EGFR: variants seen among roughly 807,000 people sequenced by gnomAD.
The protein encoded by EGFR is epidermal growth factor receptor, also known as avian erythroblastic leukemia viral (v-erb-b) oncogene homolog.
A neutral mutation model predicts 143.0 loss-of-function variants in EGFR; 58 were observed. The observed-to-expected ratio is 0.41, with a 90% CI of 0.33 to 0.50. The LOEUF is 0.50. Ranked by LOEUF, EGFR falls within the 20% of genes least tolerant of loss-of-function variation. The pLI is 0.39. For missense variants in EGFR, 1,307 were observed against 1,579.0 expected, an observed-to-expected ratio of 0.83 and a Z score of 2.92; for synonymous variants, 613 against 594.4, an observed-to-expected ratio of 1.03 and a Z score of -0.45.
At chr7:55,127,724 A>C (rs1053681408) in intron 1 of EGFR, among the ~76,000 whole-genome samples, 2 of 152,198 alleles carry the variant, frequency 1.3e-5, no homozygotes, top group East Asian at 3.8e-4. Context: ...CTTCAGGATG[A>C]ATTCAGTTGA....
At chr7:55,134,910 G>A (rs1469379606) in intron 1 of EGFR, among the ~76,000 whole-genome samples, 1 of 152,108 alleles carries the variant, frequency 6.6e-6, no homozygotes, top group Non-Finnish European at 1.5e-5. Flanking sequence ...TCGCCGAGCT[G>A]GCCCCATGTC....
At chr7:55,165,661 G>A (rs1011769660) in intron 15 of EGFR, among the ~76,000 whole-genome samples, 2 of 152,200 alleles carry the variant, frequency 1.3e-5, no homozygotes, top group African/African-American at 2.4e-5. Flanking sequence ...CCGGGCCTGT[G>A]TTGTGCAATG....
chr7:55,164,492 C>T (rs1180849004), intron 14 of EGFR, among the ~76,000 whole-genome samples: 3 of 152,172 alleles, frequency 2.0e-5, no homozygotes, highest in Non-Finnish European at 2.9e-5. Flanking sequence ...AGGCTGCCAG[C>T]GTGGCTGCTT....
chr7:55,160,108 C>T (rs778374928), intron 11 of EGFR, 31 bp from the exon 12 acceptor site: 3 of 1,611,578 alleles, frequency 1.9e-6, no homozygotes, highest in Admixed American at 1.7e-5. Context: ...TATAATTTTT[C>T]ACCACATGAT....
At position 55,159,135 on chromosome 7, in the gene EGFR, C is replaced by T. The variant is rs542596967; in HGVS notation, c.1299-1004C>T. Among the ~76,000 whole-genome samples the T allele has an allele frequency of 2.6e-4, 39 of 152,298 alleles. No individual in the cohort carries two copies. The South Asian group carries it at 7.7e-3, about 30-fold the overall frequency. Reference sequence around the variant, plus strand: ...CTGGCCTTGTGCTCCCTCCCCAAACCAGCCCAGCCCTCCCAGCCTGCATCA... The same window carrying T: ...CTGGCCTTGTGCTCCCTCCCCAAACTAGCCCAGCCCTCCCAGCCTGCATCA... On this transcript the variant is annotated intron_variant, in intron 11 of 27. Coordinates refer to ENST00000275493, the MANE Select transcript of EGFR (RefSeq NM_005228.5).
At chr7:55,165,473 C>G (rs186420789) in intron 15 of EGFR, 36 bp downstream of exon 15, 3 of 1,576,400 alleles carry the variant, frequency 1.9e-6, no homozygotes, top group East Asian at 2.3e-5. Context: ...AACATTTCCT[C>G]TCTTGCAAAT....
intron 1 of EGFR, among the ~76,000 whole-genome samples, chr7:55,045,847 C>T (rs767265861): frequency 2.0e-5 from 3 of 152,108 alleles, no homozygotes; most frequent in Admixed American, 6.5e-5. Context: ...GTTGGCTGTT[C>T]GGTGTTTCAC....
rs5884404 is a variant in EGFR, at chr7:55,205,898, GAA to G, written c.*293_*294del. On this transcript the variant is annotated 3_prime_UTR_variant, in exon 28 of 28. Transcript: ENST00000275493. ...ATTTATCTTTCAAAGAGGTATATTT[GAA>G]AAAAAAAAAAAGTATATGTGAGGAT... 157 of 377,724 alleles carry G rather than the reference GAA, an allele frequency of 4.2e-4. No homozygotes were observed. The highest frequency in any genetic ancestry group is 7.4e-4 in the Middle Eastern group (1 of 1,346). The allele number at this position is 377,724 out of a possible 1,614,324, so 23.4% of individuals were successfully genotyped here. A position where few individuals can be genotyped will look rare whatever the true frequency, so the allele number is the denominator to read the frequency against.
At chr7:55,152,302 T>G in intron 5 of EGFR, 1 of 695,648 alleles carries the variant, frequency 1.4e-6, no homozygotes. Flanking sequence ...ATGCATCTAA[T>G]TATTTAGCAG....
At chr7:55,089,068 A>G (rs1044813396) in intron 1 of EGFR, among the ~76,000 whole-genome samples, 1 of 152,042 alleles carries the variant, frequency 6.6e-6, no homozygotes, top group Non-Finnish European at 1.5e-5. Context: ...AAATATATGT[A>G]CAAATAAAGG....
In EGFR at chr7:55,156,773, A is replaced by C; in HGVS notation, c.1148A>C (p.His383Pro). ...GTTTGTTTCAGTGACTCCTTCACACATACTCCTCCTCTGGATCCACAGGAA... is the reference window on the plus strand; with the variant it reads ...GTTTGTTTCAGTGACTCCTTCACACCTACTCCTCCTCTGGATCCACAGGAA... ...PVAFRGDSFT[H>P]TPPLDPQELD... is the part of the protein sequence containing the mutation. The change falls in exon 10 of 28, where the codon CAT (histidine) becomes CCT (proline). Residue 383 changes from histidine to proline, a missense_variant. Around this residue, in one of 7 missense-constraint regions of EGFR, gnomAD observed 250 missense variants for 295.1 expected, o/e 0.85. Transcript: ENST00000275493. 6.2e-7 allele frequency: 1 copy of C among 1,614,246 alleles called. No individual in the cohort carries two copies. Among genetic ancestry groups the C allele is most frequent in the Non-Finnish European group, 8.5e-7 (1 of 1,180,050 alleles).
intron 1 of EGFR, among the ~76,000 whole-genome samples, chr7:55,083,744 T>C (rs1437838420): frequency 6.6e-6 from 1 of 152,262 alleles, no homozygotes; most frequent in Non-Finnish European, 1.5e-5. Context: ...TGTGAACTAA[T>C]ATAATGCAGA....
intron 6 of EGFR, 65 bp downstream of exon 6, chr7:55,152,729 G>C: frequency 7.2e-7 from 1 of 1,379,706 alleles, no homozygotes; most frequent in Non-Finnish European, 1.0e-6. Context: ...ACCCACACCA[G>C]GACAGAAGAC....
Position 55,161,761 on chromosome 7 carries a change from T to G in EGFR, c.1631+130T>G, listed in dbSNP as rs1050968225. 2.6e-5 allele frequency: 39 copies of G among 1,510,298 alleles called. No homozygotes were observed. In the African/African-American group the frequency reaches 4.4e-4, roughly 17 times the overall value. 93.6% of individuals were successfully genotyped at this position (1,510,298 alleles called of 1,614,324 possible). On this transcript the variant is annotated intron_variant, in intron 13 of 27. Transcript: ENST00000275493. Reference sequence around the variant, plus strand: ...CTTTGCCCTTGGCTTTTGGAGGTTTTGGGTTTTCTGTGGGGAGACGGGAAG... The same window carrying G: ...CTTTGCCCTTGGCTTTTGGAGGTTTGGGGTTTTCTGTGGGGAGACGGGAAG...
At chr7:55,061,480 C>CA (rs1789163383) in intron 1 of EGFR, among the ~76,000 whole-genome samples, 1 of 152,208 alleles carries the variant, frequency 6.6e-6, no homozygotes, top group African/African-American at 2.4e-5. Flanking sequence ...AATATGCTTT[C>CA]ATTCAGCTCT....
intron 1 of EGFR, among the ~76,000 whole-genome samples, chr7:55,027,724 CA>C (rs1421526363): frequency 6.6e-6 from 1 of 151,938 alleles, no homozygotes; most frequent in East Asian, 1.9e-4. Flanking sequence ...AGAAATGAAA[CA>C]AAAGTTTGCA....
chr7:55,056,918 A>G lies in EGFR; in HGVS notation c.88+37553A>G, dbSNP rs181073091. 2.0e-5 allele frequency among the ~76,000 whole-genome samples: 3 copies of G among 152,328 alleles called. No individual in the cohort carries two copies. The East Asian group carries it at 5.8e-4, about 29-fold the overall frequency. On this transcript the variant is annotated intron_variant, in intron 1 of 27. Transcript: ENST00000275493. ...GACGGTGTGTGCAGTGCAGTATGTAACCCAGGGCACATTTCAGGGGCCCAC... is the reference window on the plus strand; with the variant it reads ...GACGGTGTGTGCAGTGCAGTATGTAGCCCAGGGCACATTTCAGGGGCCCAC...
At chr7:55,058,452 C>T (rs938703668) in intron 1 of EGFR, among the ~76,000 whole-genome samples, 20 of 151,146 alleles carry the variant, frequency 1.3e-4, no homozygotes, top group African/African-American at 4.6e-4. Flanking sequence ...GACGTGGAAT[C>T]AACCTAAATG....
intron 1 of EGFR, among the ~76,000 whole-genome samples, chr7:55,067,179 A>G (rs723527): frequency 0.53 from 79,559 of 149,834 alleles, 22,202 homozygotes; most frequent in East Asian, 0.97. Flanking sequence ...CAGGAGCAAA[A>G]GTCAGAAAGG....
Sources: allele counts gnomAD v4.1 joint callset (sites outside exome capture counted in the v4.1 genomes callset), GRCh38; gene constraint gnomAD v4.1.1; regional missense constraint gnomAD v4.1.1; transcripts MANE v1.5; gene names NCBI Gene and HGNC (gene_info 2026-07-23, HGNC 2026-07-21).